TRAK1: variants seen among roughly 807,000 people sequenced by gnomAD.
TRAK1 encodes the protein trafficking kinesin protein 1.
In TRAK1, 33 loss-of-function variants were observed where a neutral mutation model predicts 92.1. The ratio of observed to expected loss-of-function variants is 0.36; its 90% CI spans 0.27 to 0.48. TRAK1 has a LOEUF of 0.48. TRAK1 is among the 20% of genes least tolerant of loss of function. The pLI is 0.99. For missense variants in TRAK1, 1,123 were observed against 1,257.9 expected (o/e 0.89, Z 1.62); for synonymous variants, 521 against 517.3 (o/e 1.01, Z -0.10).
intron 1 of TRAK1, among the ~76,000 whole-genome samples, chr3:42,106,577 T>C (rs1029386035): frequency 2.0e-5 from 3 of 152,230 alleles, no homozygotes; most frequent in African/African-American, 7.2e-5. Context: ...TGGAGTCTTG[T>C]GTATAGTGAC....
chr3:42,114,625 T>TTA (rs1368138931), intron 1 of TRAK1, among the ~76,000 whole-genome samples: 1 of 152,244 alleles, frequency 6.6e-6, no homozygotes, highest in Non-Finnish European at 1.5e-5. Context: ...TGTGAGCACT[T>TTA]TAATTACATT....
At chr3:42,138,670 T>C (rs1327079493) in intron 2 of TRAK1, among the ~76,000 whole-genome samples, 1 of 149,860 alleles carries the variant, frequency 6.7e-6, no homozygotes, top group East Asian at 2.0e-4. Context: ...GAGGATTGCC[T>C]GAATCCAGGA....
In TRAK1 at chr3:42,224,652, C is replaced by G. The variant is rs531991072; in HGVS notation, c.*915C>G. 2 of 152,226 alleles carry G rather than the reference C, an allele frequency of 1.3e-5. No homozygotes were observed. Among genetic ancestry groups the G allele is most frequent in the East Asian group, 3.9e-4 (2 of 5,186 alleles). 9.4% of individuals were successfully genotyped at this position (152,226 alleles called of 1,614,324 possible). Reference sequence around the variant, plus strand: ...CAACCAAATTGATTTAAGACCGGACCCAAGACACCTTTAACAATAGGACTG... The same window carrying G: ...CAACCAAATTGATTTAAGACCGGACGCAAGACACCTTTAACAATAGGACTG... On this transcript the variant is annotated 3_prime_UTR_variant, in exon 16 of 16. Transcript: ENST00000327628.
At chr3:42,017,345 A>G (rs1701566257) in intron 1 of TRAK1, among the ~76,000 whole-genome samples, 1 of 152,228 alleles carries the variant, frequency 6.6e-6, no homozygotes, top group Admixed American at 6.5e-5. Flanking sequence ...TTGTAGGGAA[A>G]GACAAGAGGA....
At chr3:42,149,423 T>C (rs947225816) in intron 2 of TRAK1, 129 of 1,505,954 alleles carry the variant, frequency 8.6e-5, no homozygotes, top group Middle Eastern at 1.7e-4. Context: ...TTCTGGTGTG[T>C]TTCGGGATAT....
chr3:42,063,366 G>C (rs1186102156), intron 1 of TRAK1, among the ~76,000 whole-genome samples: 1 of 152,220 alleles, frequency 6.6e-6, no homozygotes, highest in Non-Finnish European at 1.5e-5. Flanking sequence ...AACCAGGAAT[G>C]CCTTTGTGAT....
intron 1 of TRAK1, among the ~76,000 whole-genome samples, chr3:42,101,622 C>T (rs1172986989): frequency 6.6e-6 from 1 of 152,200 alleles, no homozygotes; most frequent in Non-Finnish European, 1.5e-5. Flanking sequence ...GTCTCTGTCT[C>T]AACTGCTTGT....
Position 42,171,057 on chromosome 3 carries a change from C to T in TRAK1, c.287-5757C>T, listed in dbSNP as rs529062541. The stretch of plus-strand genomic sequence containing the variant: ...GTCTTGATCTCCTGACCTCATGATC[C>T]GCCTGCCTCGGCCTCCCAAAGTGCT... On this transcript the variant is annotated intron_variant, in intron 2 of 15. Transcript: ENST00000327628. Among the ~76,000 whole-genome samples the T allele has an allele frequency of 3.9e-3, 586 of 152,062 alleles. 5 individuals carry two copies. Among genetic ancestry groups the T allele is most frequent in the African/African-American group, 0.014 (563 of 41,490 alleles).
chr3:42,204,442 T>C (rs1172579665), intron 13 of TRAK1, among the ~76,000 whole-genome samples: 1 of 152,230 alleles, frequency 6.6e-6, no homozygotes, highest in East Asian at 1.9e-4. Context: ...AAGGTGAATT[T>C]CATCTATAGT....
intron 1 of TRAK1, among the ~76,000 whole-genome samples, chr3:42,022,702 A>G (rs1202348378): frequency 6.9e-6 from 1 of 145,468 alleles, no homozygotes; most frequent in Non-Finnish European, 1.5e-5. Context: ...GGCCTAGGCA[A>G]TGGAAAGAGA....
intron 15 of TRAK1, chr3:42,220,672 C>T (rs1320235497): frequency 6.6e-6 from 6 of 903,978 alleles, no homozygotes; most frequent in South Asian, 1.0e-4. Flanking sequence ...GCCACTAACC[C>T]GGGGACTTAG....
At chr3:42,059,576 A>G (rs1703340469) in intron 1 of TRAK1, among the ~76,000 whole-genome samples, 1 of 152,002 alleles carries the variant, frequency 6.6e-6, no homozygotes, top group African/African-American at 2.4e-5. Flanking sequence ...ACTTCTGTGC[A>G]TTTTCCTACA....
At chr3:42,149,628 G>T in intron 2 of TRAK1, 1 of 1,536,032 alleles carries the variant, frequency 6.5e-7, no homozygotes, top group African/African-American at 1.4e-5. Flanking sequence ...AAACAGAGCC[G>T]GGATGTATAG....
At chr3:42,172,009 T>C (rs915259084) in intron 2 of TRAK1, among the ~76,000 whole-genome samples, 1 of 152,164 alleles carries the variant, frequency 6.6e-6, no homozygotes, top group Admixed American at 6.5e-5. Flanking sequence ...CCCAGTCATA[T>C]GTCTCCCTCT....
upstream of TRAK1, among the ~76,000 whole-genome samples, chr3:42,090,753 A>C (rs1307031911): frequency 6.6e-6 from 1 of 152,232 alleles, no homozygotes; most frequent in South Asian, 2.1e-4. Flanking sequence ...TGAAACTTCA[A>C]ACCCTATAGG....
chr3:42,205,011 C>T (rs1375430796), intron 13 of TRAK1, among the ~76,000 whole-genome samples: 2 of 152,194 alleles, frequency 1.3e-5, no homozygotes, highest in African/African-American at 2.4e-5. Flanking sequence ...AGGTTCAGTA[C>T]AGCTCTGACT....
intron 1 of TRAK1, among the ~76,000 whole-genome samples, chr3:42,067,355 G>A (rs1045890239): frequency 3.3e-5 from 5 of 152,218 alleles, no homozygotes; most frequent in African/African-American, 1.2e-4. Context: ...AACAAGATAT[G>A]TAGCTAAGTG....
intron 1 of TRAK1, among the ~76,000 whole-genome samples, chr3:42,029,207 G>T (rs1702024616): frequency 2.0e-5 from 3 of 152,124 alleles, no homozygotes; most frequent in Admixed American, 2.0e-4. Flanking sequence ...TCCAGCATTG[G>T]GGATTACAAT....
chr3:42,193,008 C>G, intron 7 of TRAK1, 67 bp from the exon 8 acceptor site: 1 of 1,579,212 alleles, frequency 6.3e-7, no homozygotes, highest in Non-Finnish European at 8.6e-7. Flanking sequence ...ACAAAGAAAC[C>G]ATTCTCTCTG....
Sources: gnomAD v4.1 joint callset for allele counts (sites outside exome capture counted in the v4.1 genomes callset) on GRCh38, gnomAD v4.1.1 for gene constraint, MANE v1.5 for transcripts, NCBI Gene and HGNC (gene_info 2026-07-23, HGNC 2026-07-21) for gene names.